Variants in ANKIB1 observed in about 807,000 individuals in gnomAD.
ANKIB1 encodes ankyrin repeat and IBR domain-containing protein 1.
ANKIB1 carries 43 observed loss-of-function variants against 122.1 expected under a neutral mutation model. The ratio of observed to expected loss-of-function variants is 0.35; its 90% confidence interval spans 0.28 to 0.45. The LOEUF (loss-of-function observed/expected upper bound fraction) is 0.45. Ranked by LOEUF, ANKIB1 falls within the 20% of genes least tolerant of loss-of-function variation. The pLI is 1.00. For missense variants in ANKIB1, 992 were observed against 1,329.5 expected, an observed-to-expected ratio of 0.75 and a Z score of 3.95; for synonymous variants, 390 against 442.0, an observed-to-expected ratio of 0.88 and a Z score of 1.48.
At position 92,371,442 on chromosome 7, in the gene ANKIB1, C is replaced by T. The variant is rs775273442; in HGVS notation, c.1487-35C>T. ...TTCCCCCAGAAGTTGTACACTAAAT[C>T]ATTTATTTTTGTGATTGTGTTTAAT... On this transcript the variant is annotated intron_variant, in intron 10 of 19. Transcript: ENST00000265742. The T allele has an allele frequency of 8.3e-6, 13 of 1,573,676 alleles. No individual in the cohort carries two copies. In the South Asian group the frequency reaches 1.5e-4, roughly 18 times the overall value.
chr7:92,316,880 A>G (rs1802805671), intron 3 of ANKIB1, among the ~76,000 whole-genome samples: 2 of 152,198 alleles, frequency 1.3e-5, no homozygotes, highest in Admixed American at 6.6e-5. Flanking sequence ...TAAGTTAAAG[A>G]TGATTTGTCT....
At chr7:92,346,820 G>A (rs1803551080) in intron 7 of ANKIB1, among the ~76,000 whole-genome samples, 2 of 152,114 alleles carry the variant, frequency 1.3e-5, no homozygotes, top group African/African-American at 2.4e-5. Context: ...CACCTGACTT[G>A]TATCACAGGA....
At chr7:92,389,865 A>G (rs973472493) in intron 14 of ANKIB1, 106 bp from the exon 15 acceptor site, 2 of 1,215,322 alleles carry the variant, frequency 1.6e-6, no homozygotes. Context: ...TTTTTGTCCT[A>G]ATGATCCTTC....
intron 1 of ANKIB1, among the ~76,000 whole-genome samples, chr7:92,252,027 A>G (rs1176733419): frequency 1.3e-5 from 2 of 152,078 alleles, no homozygotes; most frequent in East Asian, 1.9e-4. Flanking sequence ...TCCTAGATCT[A>G]TATAATTCTT....
At chr7:92,358,327 T>A (rs982375663) in intron 9 of ANKIB1, among the ~76,000 whole-genome samples, 4 of 152,214 alleles carry the variant, frequency 2.6e-5, no homozygotes, top group East Asian at 1.9e-4. Flanking sequence ...TGCTTTTTTT[T>A]ATATCCTTTC....
At chr7:92,259,316 A>C (rs1036466289) in intron 1 of ANKIB1, among the ~76,000 whole-genome samples, 3 of 152,186 alleles carry the variant, frequency 2.0e-5, no homozygotes, top group Admixed American at 2.0e-4. Flanking sequence ...GTAACCTAAA[A>C]GTTGTGTAGT....
chr7:92,320,722 C>T (rs1802889934), intron 4 of ANKIB1, among the ~76,000 whole-genome samples: 1 of 152,206 alleles, frequency 6.6e-6, no homozygotes, highest in African/African-American at 2.4e-5. Context: ...ATCTGAGCTA[C>T]TGTAATAGTT....
chr7:92,364,534 C>T (rs560464771), intron 10 of ANKIB1, among the ~76,000 whole-genome samples: 3 of 152,042 alleles, frequency 2.0e-5, no homozygotes, highest in Non-Finnish European at 4.4e-5. Flanking sequence ...TTGCTTCTGG[C>T]AGCTAGAAAT....
At chr7:92,271,779 AAAG>A (rs900879184) in intron 1 of ANKIB1, among the ~76,000 whole-genome samples, 1 of 152,208 alleles carries the variant, frequency 6.6e-6, no homozygotes, top group Non-Finnish European at 1.5e-5. Context: ...AACAAAATAT[AAAG>A]AGATTAAAGA....
rs554229259 is a variant in ANKIB1, at chr7:92,305,954, G to C, written c.189-1405G>C. On this transcript the variant is annotated intron_variant, in intron 2 of 19. Coordinates refer to ENST00000265742, the MANE Select transcript of ANKIB1 (RefSeq NM_019004.2). ...GAAGTATTCCTTAAGTTGTAAAACC[G>C]AGAGATGCTAGTCTTATCTTTCCCC... is the stretch of plus-strand genomic sequence containing the variant. 1.8e-4 allele frequency among the ~76,000 whole-genome samples: 27 copies of C among 152,232 alleles called. No individual in the cohort carries two copies. The South Asian group carries it at 5.6e-3, about 32-fold the overall frequency.
chr7:92,280,731 G>A (rs1466019040), intron 1 of ANKIB1, among the ~76,000 whole-genome samples: 1 of 152,102 alleles, frequency 6.6e-6, no homozygotes, highest in South Asian at 2.1e-4. Flanking sequence ...CCCAGCATTG[G>A]ATCTATCATT....
In ANKIB1 at chr7:92,339,542, T is replaced by C. The variant is rs545208443; in HGVS notation, c.788-3482T>C. Among the ~76,000 whole-genome samples the C allele has an allele frequency of 3.4e-4, 52 of 152,278 alleles. No homozygotes were observed. In the East Asian group the frequency reaches 9.5e-3, roughly 28 times the overall value. ...AGATTTAAATAATAGGAGCATGTGG[T>C]TTTATATTCATTTGTTCGTTCAACA... is the stretch of plus-strand genomic sequence containing the variant. On this transcript the variant is annotated intron_variant, in intron 5 of 19. Transcript: ENST00000265742.
chr7:92,371,052 T>C (rs1344294915), intron 10 of ANKIB1, among the ~76,000 whole-genome samples: 1 of 152,242 alleles, frequency 6.6e-6, no homozygotes, highest in East Asian at 1.9e-4. Flanking sequence ...CTTTTTACTA[T>C]GGTAAAGAGT....
rs376366940 is a variant in ANKIB1, at chr7:92,348,675, T to C, written c.1086-2275T>C. Among the ~76,000 whole-genome samples the C allele has an allele frequency of 3.2e-4, 48 of 152,302 alleles. 1 individual carries two copies. The highest frequency in any genetic ancestry group is 9.9e-4 in the African/African-American group (41 of 41,572). ...CTAGGATTATAGGCGTGAGCCACCG[T>C]GCCAGGCCACAATATACCTTATATA... On this transcript the variant is annotated intron_variant, in intron 7 of 19. Transcript: ENST00000265742.
At chr7:92,260,645 T>G (rs936706950) in intron 1 of ANKIB1, among the ~76,000 whole-genome samples, 30 of 151,906 alleles carry the variant, frequency 2.0e-4, no homozygotes, top group African/African-American at 7.3e-4. Context: ...ATTGTGCCAC[T>G]TTACTCCAGC....
At position 92,328,729 on chromosome 7, in the gene ANKIB1, G is replaced by A. The variant is rs1004693525; in HGVS notation, c.787+829G>A. Among the ~76,000 whole-genome samples the A allele has an allele frequency of 2.6e-5, 4 of 151,842 alleles. No individual in the cohort carries two copies. The East Asian group carries it at 7.7e-4, about 29-fold the overall frequency. Reference sequence around the variant, plus strand: ...CTATTCCAGTCATTTTGAGGCCCTAGCTGGCTATTTTAACTATAAATCTTT... The same window carrying A: ...CTATTCCAGTCATTTTGAGGCCCTAACTGGCTATTTTAACTATAAATCTTT... On this transcript the variant is annotated intron_variant, in intron 5 of 19. Transcript: ENST00000265742.
intron 11 of ANKIB1, among the ~76,000 whole-genome samples, chr7:92,372,326 A>G (rs1804287086): frequency 6.6e-6 from 1 of 152,186 alleles, no homozygotes; most frequent in African/African-American, 2.4e-5. Flanking sequence ...AAGATACTAT[A>G]AGTAATCTAG....
intron 5 of ANKIB1, among the ~76,000 whole-genome samples, chr7:92,341,725 C>A (rs1005038957): frequency 2.0e-5 from 3 of 152,108 alleles, no homozygotes; most frequent in African/African-American, 7.2e-5. Context: ...CACAGATAGT[C>A]CCTGACTTAG....
chr7:92,304,584 G>A (rs1802520171), intron 2 of ANKIB1, among the ~76,000 whole-genome samples: 1 of 152,158 alleles, frequency 6.6e-6, no homozygotes, highest in South Asian at 2.1e-4. Flanking sequence ...TATAAGAAAG[G>A]CTAGATAAAT....
Sources: allele counts gnomAD v4.1 joint callset (sites outside exome capture counted in the v4.1 genomes callset), GRCh38; gene constraint gnomAD v4.1.1; transcripts MANE v1.5; gene names NCBI Gene and HGNC (gene_info 2026-07-23, HGNC 2026-07-21).